ADAM22: variants seen among roughly 807,000 people sequenced by gnomAD.
The protein encoded by ADAM22 is ADAM metallopeptidase domain 22.
ADAM22 carries 65 observed loss-of-function variants against 144.6 expected under a neutral mutation model. The observed-to-expected ratio is 0.45, with a 90% CI of 0.37 to 0.55. The LOEUF (loss-of-function observed/expected upper bound fraction) is 0.55, where lower values mean the gene tolerates loss of function less well. ADAM22 is among the 20% of genes least tolerant of loss of function. The probability of loss-of-function intolerance (pLI) is 0.00; values close to 1 mark genes in which losing one functional copy is unlikely to be tolerated. For missense variants in ADAM22, 974 were observed against 1,184.9 expected (o/e 0.82, Z 2.61); for synonymous variants, 391 against 412.6 (o/e 0.95, Z 0.63).
intron 9 of ADAM22, among the ~76,000 whole-genome samples, chr7:88,130,104 TAAAC>T (rs2129497419): frequency 6.7e-6 from 1 of 148,510 alleles, no homozygotes; most frequent in East Asian, 2.1e-4. Context: ...CCAATAAAAA[TAAAC>T]TTATGAAATG....
intron 7 of ADAM22, among the ~76,000 whole-genome samples, chr7:88,118,635 T>TTA (rs766755043): frequency 2.4e-3 from 253 of 107,038 alleles, no homozygotes; most frequent in East Asian, 6.2e-3. Flanking sequence ...GGATATAACC[T>TTA]TATATATCTA....
chr7:88,195,700 G>A (rs1850544760), intron 31 of ADAM22, among the ~76,000 whole-genome samples: 1 of 151,932 alleles, frequency 6.6e-6, no homozygotes, highest in African/African-American at 2.4e-5. Flanking sequence ...TGTATTTTTA[G>A]TAAAGACGGG....
chr7:88,176,025 T>G (rs1845566155), intron 26 of ADAM22, among the ~76,000 whole-genome samples: 2 of 152,136 alleles, frequency 1.3e-5, no homozygotes, highest in Non-Finnish European at 2.9e-5. Flanking sequence ...CAAGCTGGAG[T>G]GCAGTGGCGC....
chr7:87,970,320 C>T (rs564018260), intron 2 of ADAM22, among the ~76,000 whole-genome samples: 1 of 152,028 alleles, frequency 6.6e-6, no homozygotes, highest in South Asian at 2.1e-4. Context: ...TTAAACTGAG[C>T]TGAAAGAGTC....
chr7:88,096,590 T>A (rs1821395216), intron 4 of ADAM22, among the ~76,000 whole-genome samples: 1 of 151,486 alleles, frequency 6.6e-6, no homozygotes, highest in Non-Finnish European at 1.5e-5. Context: ...TTTTAAAAAA[T>A]TGTATATTTG....
chr7:88,168,275 C>T (rs373996891), intron 25 of ADAM22, 48 bp downstream of exon 25: 61 of 1,533,462 alleles, frequency 4.0e-5, no homozygotes, highest in Non-Finnish European at 5.4e-5. Flanking sequence ...TACTTCTAAA[C>T]ATTTTGATTA....
chr7:88,050,221 TAA>T (rs1240990310), intron 3 of ADAM22, among the ~76,000 whole-genome samples: 7 of 70,570 alleles, frequency 9.9e-5, no homozygotes, highest in Admixed American at 1.7e-4. Context: ...CCATCTCTAC[TAA>T]AAAAAAAAAA....
chr7:88,134,547 C>A, intron 13 of ADAM22, 128 bp downstream of exon 13: 1 of 623,464 alleles, frequency 1.6e-6, no homozygotes. Flanking sequence ...AGATAAACAT[C>A]CAGCGCACAA....
intron 22 of ADAM22, among the ~76,000 whole-genome samples, chr7:88,156,663 G>A (rs1840029442): frequency 6.6e-6 from 1 of 152,016 alleles, no homozygotes; most frequent in Non-Finnish European, 1.5e-5. Flanking sequence ...TAAAAAAGCA[G>A]TTAGATACTC....
At chr7:88,021,797 T>G (rs1349876695) in intron 3 of ADAM22, among the ~76,000 whole-genome samples, 1 of 152,100 alleles carries the variant, frequency 6.6e-6, no homozygotes, top group Non-Finnish European at 1.5e-5. Flanking sequence ...CTGATAGAGG[T>G]TTTCGAGTCA....
Position 88,202,044 on chromosome 7 carries a change from T to G in ADAM22, c.*5553T>G, listed in dbSNP as rs530657872. The G allele has an allele frequency of 7.8e-4, 119 of 152,264 alleles. 1 individual carries two copies. The highest frequency in any genetic ancestry group is 2.7e-3 in the African/African-American group (113 of 41,548). The allele number at this position is 152,264 out of a possible 1,614,324, so 9.4% of individuals were successfully genotyped here. ...ACAAGTAACACAATACAGAAAATGC[T>G]GATATGAATACTTAGTAATAATACA... On this transcript the variant is annotated 3_prime_UTR_variant, in exon 32 of 32. Transcript: ENST00000413139.
intron 3 of ADAM22, among the ~76,000 whole-genome samples, chr7:88,028,646 A>G (rs1799554912): frequency 6.6e-6 from 1 of 151,872 alleles, no homozygotes; most frequent in Non-Finnish European, 1.5e-5. Flanking sequence ...ATATTTCTTA[A>G]TATATCTGGG....
chr7:88,114,447 G>A (rs1458603548), intron 5 of ADAM22, 137 bp from the exon 6 acceptor site: 6 of 711,786 alleles, frequency 8.4e-6, no homozygotes, highest in South Asian at 1.7e-5. Context: ...TGTGTGGTGT[G>A]TCTGGAGGTG....
rs78395153 is a variant in ADAM22 at position 88,189,618 on chromosome 7, G to T, written c.2750+2917G>T. The stretch of plus-strand genomic sequence containing the variant: ...TAAAAGTAGCAGAGTGGATACTGAT[G>T]ACTTGAATCCTCTCTTAGTACACTT... On this transcript the variant is annotated intron_variant, in intron 30 of 31. Coordinates refer to ENST00000413139, the MANE Select transcript of ADAM22 (RefSeq NM_001324418.2). 4.9e-3 allele frequency among the ~76,000 whole-genome samples: 741 copies of T among 152,258 alleles called. 9 individuals are homozygous for T. Among genetic ancestry groups the T allele is most frequent in the African/African-American group, 0.017 (710 of 41,564 alleles).
At chr7:88,005,012 C>T (rs1793451791) in intron 3 of ADAM22, among the ~76,000 whole-genome samples, 1 of 152,058 alleles carries the variant, frequency 6.6e-6, no homozygotes, top group Non-Finnish European at 1.5e-5. Flanking sequence ...GCTAAGTGTG[C>T]TGGGCATAGA....
At chr7:88,165,783 T>G in intron 23 of ADAM22, 49 bp from the exon 24 acceptor site, 2 of 1,324,944 alleles carry the variant, frequency 1.5e-6, no homozygotes, top group Non-Finnish European at 2.1e-6. Context: ...TTTTTCATGC[T>G]TCTGTACCAG....
intron 3 of ADAM22, among the ~76,000 whole-genome samples, chr7:88,009,495 A>T (rs984610824): frequency 6.6e-6 from 1 of 152,190 alleles, no homozygotes; most frequent in Non-Finnish European, 1.5e-5. Flanking sequence ...TCTTTGCTGT[A>T]TATAGAAATC....
Position 88,181,979 on chromosome 7 carries a change from A to G in ADAM22, c.2618A>G (p.Lys873Arg). Reference sequence around the variant, plus strand: ...TCAGGTAACCTGGGAGGCAACAAAAAGAAAATCAGAGGCAAAAGATTTAGA... The same window carrying G: ...TCAGGTAACCTGGGAGGCAACAAAAGGAAAATCAGAGGCAAAAGATTTAGA... ...SWQGNLGGNK[K>R]KIRGKRFRPR... Residue 873 changes from lysine to arginine, a missense_variant, in exon 29 of 32, where the codon AAG becomes AGG. Lys to Arg is a conservative substitution (Grantham distance 26). Around this residue, in one of 2 missense-constraint regions of ADAM22, gnomAD observed 734 missense variants for 950.6 expected, o/e 0.77. Coordinates refer to ENST00000413139, the MANE Select transcript of ADAM22 (RefSeq NM_001324418.2). 6.2e-7 allele frequency: 1 copy of G among 1,613,844 alleles called. No homozygotes were observed. Among genetic ancestry groups the G allele is most frequent in the East Asian group, 2.2e-5 (1 of 44,874 alleles).
chr7:88,193,869 C>T (rs550295134), intron 31 of ADAM22, among the ~76,000 whole-genome samples: 26 of 152,294 alleles, frequency 1.7e-4, no homozygotes, highest in Admixed American at 1.6e-3. Context: ...TCAAGGTAAA[C>T]GTGGATCATT....
Sources: gnomAD v4.1 joint callset for allele counts (sites outside exome capture counted in the v4.1 genomes callset) on GRCh38, gnomAD v4.1.1 for gene constraint, gnomAD v4.1.1 regional missense constraint, MANE v1.5 for transcripts, NCBI Gene and HGNC (gene_info 2026-07-23, HGNC 2026-07-21) for gene names.